Variants in NT5DC1 observed in about 807,000 individuals in gnomAD.
NT5DC1 encodes 5'-nucleotidase domain-containing protein 1.
NT5DC1 carries 42 observed loss-of-function variants against 59.4 expected under a neutral mutation model. That is an observed-to-expected ratio of 0.71 (90% confidence interval 0.55 to 0.92). NT5DC1 has a LOEUF of 0.92. Ranked by LOEUF, NT5DC1 falls within the 40% of genes least tolerant of loss-of-function variation. The pLI is 0.00. For synonymous variants in NT5DC1, 172 were observed against 188.1 expected, an observed-to-expected ratio of 0.91 and a Z score of 0.70; for missense variants, 501 against 537.1, an observed-to-expected ratio of 0.93 and a Z score of 0.66.
At position 116,238,293 on chromosome 6, in the gene NT5DC1, C is replaced by G. The variant is rs760984260; in HGVS notation, c.1028C>G (p.Thr343Arg). Residue 343 changes from threonine (T) to arginine (R), a missense_variant, in exon 10 of 12, where the codon ACG becomes AGG. Physicochemically the swap from Thr to Arg is moderately conservative, Grantham distance 71 (BLOSUM62 -1). Transcript: ENST00000319550. ...ILEELRGDEG[T>R]RSQRPEESEP... Reference sequence around the variant, plus strand: ...GAAGAACTCAGAGGGGATGAAGGCACGAGGAGTCAGAGGCCTGAGGAGTCA... The same window carrying G: ...GAAGAACTCAGAGGGGATGAAGGCAGGAGGAGTCAGAGGCCTGAGGAGTCA... 6.2e-7 allele frequency: 1 copy of G among 1,612,380 alleles called. No individual in the cohort carries two copies. Among genetic ancestry groups the G allele is most frequent in the Non-Finnish European group, 8.5e-7 (1 of 1,179,148 alleles).
intron 6 of NT5DC1, among the ~76,000 whole-genome samples, chr6:116,122,724 T>G (rs1779170494): frequency 6.6e-6 from 1 of 152,210 alleles, no homozygotes; most frequent in Non-Finnish European, 1.5e-5. Flanking sequence ...GTACAGATGT[T>G]TCTGAGATTT....
intron 7 of NT5DC1, among the ~76,000 whole-genome samples, chr6:116,222,684 A>G (rs1204798): frequency 0.41 from 62,947 of 152,048 alleles, 16,443 homozygotes; most frequent in African/African-American, 0.74. Context: ...AAGCCAGCCA[A>G]TTTCAGGCCC....
chr6:116,232,718 G>A (rs1306511588), intron 8 of NT5DC1, among the ~76,000 whole-genome samples: 2 of 152,028 alleles, frequency 1.3e-5, no homozygotes. Flanking sequence ...AGCCTTGACT[G>A]TATCATTGTC....
chr6:116,190,181 TTC>T (rs1430829547), intron 6 of NT5DC1, among the ~76,000 whole-genome samples: 2 of 151,958 alleles, frequency 1.3e-5, no homozygotes, highest in African/African-American at 4.8e-5. Context: ...TATGTTCATT[TTC>T]TCCTCTTCCC....
chr6:116,145,546 T>C (rs1779877717), intron 6 of NT5DC1: 1 of 273,850 alleles, frequency 3.7e-6, no homozygotes, highest in African/African-American at 2.2e-5. Flanking sequence ...TGTCCTGCTA[T>C]TGTCATCTTA....
At chr6:116,135,026 A>G (rs1279311115) in intron 6 of NT5DC1, among the ~76,000 whole-genome samples, 1 of 152,138 alleles carries the variant, frequency 6.6e-6, no homozygotes, top group Non-Finnish European at 1.5e-5. Context: ...TCACTTTCCC[A>G]TTATCTTTTA....
intron 6 of NT5DC1, among the ~76,000 whole-genome samples, chr6:116,161,987 A>ATT (rs950008627): frequency 1.3e-5 from 2 of 151,800 alleles, no homozygotes; most frequent in African/African-American, 4.8e-5. Context: ...TGTAAATGGG[A>ATT]TTTTCACCAT....
rs1283698158 is a variant in NT5DC1 at position 116,248,903 on chromosome 6, C to T, written c.*4879C>T. The T allele has an allele frequency of 1.3e-5, 2 of 152,188 alleles. No individual in the cohort carries two copies. The highest frequency in any genetic ancestry group is 1.3e-4 in the Admixed American group (2 of 15,272). The allele number at this position is 152,188 out of a possible 1,614,324, so 9.4% of individuals were successfully genotyped here. ...TAATGACTAATTTTATTAGGCTAAA[C>T]AGAACAGAAACCATGCTAATCTGTA... On this transcript the variant is annotated 3_prime_UTR_variant, in exon 12 of 12. Transcript: ENST00000319550.
chr6:116,154,400 T>C (rs184683919), intron 6 of NT5DC1, among the ~76,000 whole-genome samples: 147 of 152,248 alleles, frequency 9.7e-4, no homozygotes, highest in African/African-American at 3.3e-3. Context: ...ACATTGTTAT[T>C]ACTTGTTTTC....
In NT5DC1 at chr6:116,243,894, T is replaced by G. The variant is rs1177767942; in HGVS notation, c.1253-15T>G. On this transcript the variant is annotated splice_polypyrimidine_tract_variant and intron_variant, in intron 11 of 11. Coordinates refer to ENST00000319550, the MANE Select transcript of NT5DC1 (RefSeq NM_152729.3). ...AGAGACCTGTGCAATAATTAAATTT[T>G]TTTTTCCTCCCCAGAATTACCTCTG... 3.8e-6 allele frequency: 4 copies of G among 1,055,952 alleles called. No homozygotes were observed. The highest frequency in any genetic ancestry group is 3.2e-5 in the African/African-American group (2 of 62,676). The allele number at this position is 1,055,952 out of a possible 1,614,324, so 65.4% of individuals were successfully genotyped here.
chr6:116,180,393 T>G (rs1004836899), intron 6 of NT5DC1, among the ~76,000 whole-genome samples: 3 of 152,008 alleles, frequency 2.0e-5, no homozygotes, highest in Non-Finnish European at 4.4e-5. Flanking sequence ...AAAATGAAAA[T>G]GGAATGATAG....
chr6:116,142,013 T>C (rs978388873), intron 6 of NT5DC1, among the ~76,000 whole-genome samples: 2 of 151,094 alleles, frequency 1.3e-5, no homozygotes, highest in Non-Finnish European at 3.0e-5. Flanking sequence ...AGATGAAAAC[T>C]CAAAAAAAAG....
At chr6:116,117,187 T>C (rs1191738951) in intron 5 of NT5DC1, among the ~76,000 whole-genome samples, 1 of 152,192 alleles carries the variant, frequency 6.6e-6, no homozygotes, top group Non-Finnish European at 1.5e-5. Context: ...ATCCCAGAAA[T>C]TATATAACAC....
intron 6 of NT5DC1, chr6:116,120,538 T>C: frequency 6.2e-7 from 1 of 1,613,886 alleles, no homozygotes; most frequent in Non-Finnish European, 8.5e-7. Context: ...GGCCTGCCTT[T>C]ATAAAACCCT....
intron 6 of NT5DC1, among the ~76,000 whole-genome samples, chr6:116,183,985 A>G (rs192279708): frequency 5.9e-4 from 90 of 152,164 alleles, no homozygotes; most frequent in Admixed American, 2.1e-3. Flanking sequence ...TCCAGTTCTC[A>G]GGAGGATTGT....
At chr6:116,201,822 G>A (rs1781353785) in intron 6 of NT5DC1, among the ~76,000 whole-genome samples, 1 of 152,000 alleles carries the variant, frequency 6.6e-6, no homozygotes, top group Admixed American at 6.6e-5. Flanking sequence ...ATGGTTTCAT[G>A]ATTATAATTA....
intron 6 of NT5DC1, among the ~76,000 whole-genome samples, chr6:116,141,884 AAACACAC>A (rs1402902705): frequency 1.7e-5 from 2 of 118,980 alleles, no homozygotes; most frequent in Non-Finnish European, 3.5e-5. Flanking sequence ...GCCAAAAAGA[AAACACAC>A]ACACACACAC....
chr6:116,121,510 C>T, intron 6 of NT5DC1: 2 of 1,614,086 alleles, frequency 1.2e-6, no homozygotes, highest in Non-Finnish European at 1.7e-6. Context: ...CTGGAAGACC[C>T]CTCTCACCTG....
Position 116,121,308 on chromosome 6 carries a change from C to T in NT5DC1, c.529+3363C>T, listed in dbSNP as rs756742731. 32 of 1,613,918 alleles carry T rather than the reference C, an allele frequency of 2.0e-5. No individual in the cohort carries two copies. Among genetic ancestry groups the T allele is most frequent in the Non-Finnish European group, 1.9e-5 (23 of 1,179,970 alleles). The stretch of plus-strand genomic sequence containing the variant: ...GGAATCCCTGGCTGGCCTGGGGCTC[C>T]AGCAGCTCCTGGCTTTCCAATGCCT... On this transcript the variant is annotated intron_variant, in intron 6 of 11. Transcript: ENST00000319550.
Sources: allele counts gnomAD v4.1 joint callset (sites outside exome capture counted in the v4.1 genomes callset), GRCh38; gene constraint gnomAD v4.1.1; transcripts MANE v1.5; gene names NCBI Gene and HGNC (gene_info 2026-07-23, HGNC 2026-07-21).